Variants in CWF19L2 observed in about 807,000 individuals in gnomAD.
The protein encoded by CWF19L2 is CWF19 like cell cycle control factor 2.
Under a neutral mutation model 111.7 loss-of-function variants are expected in CWF19L2, and 98 were observed. The observed-to-expected ratio is 0.88, with a 90% CI of 0.75 to 1.04. CWF19L2 has a LOEUF of 1.04. Ranked by LOEUF, CWF19L2 falls within the 50% of genes least tolerant of loss-of-function variation. The pLI is 0.00. For synonymous variants in CWF19L2, 351 were observed against 342.9 expected (o/e 1.02, Z -0.26); for missense variants, 1,101 against 1,051.4 (o/e 1.05, Z -0.65).
intron 12 of CWF19L2, among the ~76,000 whole-genome samples, chr11:107,369,919 C>CT (rs1162208079): frequency 7.3e-6 from 1 of 137,834 alleles, no homozygotes; most frequent in Admixed American, 7.1e-5. Context: ...AGTGTTAGCT[C>CT]TTTTTTAGAG....
chr11:107,454,943 A>G (rs542686866), intron 2 of CWF19L2, among the ~76,000 whole-genome samples: 1 of 152,252 alleles, frequency 6.6e-6, no homozygotes, highest in South Asian at 2.1e-4. Flanking sequence ...CTCCCCAAAA[A>G]TTTATACAAG....
At chr11:107,334,229 C>T (rs1000423987) in intron 16 of CWF19L2, among the ~76,000 whole-genome samples, 1 of 152,122 alleles carries the variant, frequency 6.6e-6, no homozygotes, top group East Asian at 1.9e-4. Context: ...AAAACAAAAA[C>T]GAACCACACT....
rs1859765538 is a variant in CWF19L2 at position 107,326,723 on chromosome 11, G to C, written c.*187C>G. 1 of 448,072 alleles carries C rather than the reference G, an allele frequency of 2.2e-6. No homozygotes were observed. Among genetic ancestry groups the C allele is most frequent in the South Asian group, 5.9e-5 (1 of 17,092 alleles). 27.8% of individuals were successfully genotyped at this position (448,072 alleles called of 1,614,324 possible). ...TTTACTCCATGGTGACTAAAATGAA[G>C]TCCATAGATAGGAGCAGGTGAAGAA... On this transcript the variant is annotated 3_prime_UTR_variant, in exon 18 of 18. Transcript: ENST00000282251.
chr11:107,380,128 T>TGTCATTATA (rs1267818195), intron 12 of CWF19L2, among the ~76,000 whole-genome samples: 7 of 151,204 alleles, frequency 4.6e-5, no homozygotes, highest in Admixed American at 4.6e-4. Context: ...CTTATTTTAG[T>TGTCATTATA]GTCATTATAT....
intron 13 of CWF19L2, among the ~76,000 whole-genome samples, chr11:107,351,370 A>C (rs1003785787): frequency 1.3e-5 from 2 of 152,280 alleles, no homozygotes; most frequent in South Asian, 4.2e-4. Flanking sequence ...AAAGAGGAAG[A>C]CTATGGGAGG....
At chr11:107,331,771 G>A (rs935333087) in intron 16 of CWF19L2, among the ~76,000 whole-genome samples, 65 of 152,164 alleles carry the variant, frequency 4.3e-4, no homozygotes, top group African/African-American at 1.3e-3. Flanking sequence ...TTGCCAAGAC[G>A]GCACAATGAA....
chr11:107,395,796 T>C (rs772982020), intron 10 of CWF19L2, among the ~76,000 whole-genome samples: 1 of 152,228 alleles, frequency 6.6e-6, no homozygotes, highest in Non-Finnish European at 1.5e-5. Flanking sequence ...CACATGTATG[T>C]TACTAGACTG....
rs1466155839 is a variant in CWF19L2, at chr11:107,369,582, T to G, written c.1873-15846A>C. Among the ~76,000 whole-genome samples the G allele has an allele frequency of 1.2e-4, 16 of 138,446 alleles. 3 individuals are homozygous for G. The highest frequency in any genetic ancestry group is 1.1e-3 in the Admixed American group (16 of 14,134). The allele number at this position is 138,446 out of a possible 152,430, so 90.8% of individuals were successfully genotyped here. On this transcript the variant is annotated intron_variant, in intron 12 of 17. Transcript: ENST00000282251. The stretch of plus-strand genomic sequence containing the variant: ...TTTTGAATCCTGCCTCTTTTACTAC[T>G]AATTCTCATTTGTATATTGCATTAT...
chr11:107,377,928 C>G (rs1187766561), intron 12 of CWF19L2, among the ~76,000 whole-genome samples: 1 of 151,398 alleles, frequency 6.6e-6, no homozygotes, highest in South Asian at 2.1e-4. Flanking sequence ...AAGAAAAAAA[C>G]AAACAACCCC....
intron 12 of CWF19L2, among the ~76,000 whole-genome samples, chr11:107,381,989 C>T (rs34938694): frequency 0.16 from 23,868 of 151,964 alleles, 2,155 homozygotes; most frequent in Middle Eastern, 0.26. Context: ...TTCCTCCCCT[C>T]CGGCCCATGT....
chr11:107,406,691 T>C (rs978381459), intron 10 of CWF19L2, among the ~76,000 whole-genome samples: 2 of 151,998 alleles, frequency 1.3e-5, no homozygotes, highest in African/African-American at 2.4e-5. Context: ...TTCCTTTTTT[T>C]TTTTTTAGAT....
At chr11:107,403,908 A>C (rs757524605) in intron 10 of CWF19L2, 4 of 815,242 alleles carry the variant, frequency 4.9e-6, no homozygotes, top group Non-Finnish European at 6.4e-6. Flanking sequence ...TCTAGTTTTC[A>C]CTGAGGAACC....
intron 14 of CWF19L2, among the ~76,000 whole-genome samples, chr11:107,338,399 T>C (rs1328635597): frequency 6.6e-6 from 1 of 152,196 alleles, no homozygotes; most frequent in Non-Finnish European, 1.5e-5. Flanking sequence ...CTTTTTTCTT[T>C]TTTTTTCTTC....
intron 6 of CWF19L2, among the ~76,000 whole-genome samples, chr11:107,437,166 T>C (rs533219707): frequency 2.7e-4 from 41 of 150,814 alleles, no homozygotes; most frequent in African/African-American, 8.0e-4. Context: ...ACCATCATTA[T>C]TGAGTAGTCA....
intron 4 of CWF19L2, among the ~76,000 whole-genome samples, chr11:107,442,527 A>T (rs1274354877): frequency 9.4e-5 from 5 of 53,272 alleles, no homozygotes; most frequent in East Asian, 5.7e-4. Context: ...TACACAAAAT[A>T]AAAAAATTAG....
intron 13 of CWF19L2, among the ~76,000 whole-genome samples, chr11:107,349,620 G>A (rs1465370534): frequency 1.8e-5 from 1 of 55,134 alleles, no homozygotes; most frequent in African/African-American, 1.4e-4. Flanking sequence ...TATACAAACT[G>A]TCTTAAAAAA....
chr11:107,354,989 T>G (rs540197992), intron 12 of CWF19L2, among the ~76,000 whole-genome samples: 1 of 152,360 alleles, frequency 6.6e-6, no homozygotes, highest in South Asian at 2.1e-4. Flanking sequence ...TCAGGATGAC[T>G]ACACTGTATC....
In CWF19L2 at chr11:107,353,088, C is replaced by T. The variant is rs571976016; in HGVS notation, c.2085+436G>A. Among the ~76,000 whole-genome samples, 21 of 152,228 alleles carry T rather than the reference C, an allele frequency of 1.4e-4. No homozygotes were observed. The South Asian group carries it at 4.2e-3, about 30-fold the overall frequency. On this transcript the variant is annotated intron_variant, in intron 13 of 17. Transcript: ENST00000282251. ...AGACTACCTTGTGAAAAAAATACCC[C>T]CATCACTTTCTCCCATTTCCTCACT...
intron 6 of CWF19L2, among the ~76,000 whole-genome samples, chr11:107,435,969 C>A (rs1861535212): frequency 6.6e-6 from 1 of 151,970 alleles, no homozygotes; most frequent in Non-Finnish European, 1.5e-5. Context: ...GCCTGGCCAA[C>A]ATGGTGAAAC....
Sources: gnomAD v4.1 joint callset for allele counts (sites outside exome capture counted in the v4.1 genomes callset) on GRCh38, gnomAD v4.1.1 for gene constraint, MANE v1.5 for transcripts, NCBI Gene and HGNC (gene_info 2026-07-23, HGNC 2026-07-21) for gene names.